Variants in SEC22A observed in about 807,000 individuals in gnomAD.
SEC22A encodes the protein vesicle-trafficking protein SEC22a.
Under a neutral mutation model 35.3 loss-of-function variants are expected in SEC22A, and 22 were observed. That is an observed-to-expected ratio of 0.62 (90% confidence interval 0.45 to 0.89). SEC22A has a LOEUF of 0.89. Ranked by LOEUF, SEC22A falls within the 40% of genes least tolerant of loss-of-function variation. SEC22A has a pLI of 0.00. For synonymous variants in SEC22A, 119 were observed against 129.5 expected, an observed-to-expected ratio of 0.92 and a Z score of 0.55; for missense variants, 354 against 362.5, an observed-to-expected ratio of 0.98 and a Z score of 0.19.
At chr3:123,215,712 A>G (rs12491439) in intron 2 of SEC22A, among the ~76,000 whole-genome samples, 41,003 of 151,922 alleles carry the variant, frequency 0.27, 6,056 homozygotes, top group African/African-American at 0.39. Flanking sequence ...GGATTCAGGC[A>G]TCGCATTATT....
chr3:123,220,890 A>ATATATATATATATATATATATATATATG (rs1214047235), intron 2 of SEC22A, among the ~76,000 whole-genome samples: 6 of 144,452 alleles, frequency 4.2e-5, no homozygotes, highest in Non-Finnish European at 9.2e-5. Context: ...ACATATATAT[A>ATATATATATATATATATATATATATATG]TATATATGTC....
intron 2 of SEC22A, among the ~76,000 whole-genome samples, chr3:123,211,198 C>T (rs1036709719): frequency 6.6e-6 from 1 of 152,016 alleles, no homozygotes; most frequent in Non-Finnish European, 1.5e-5. Context: ...AGAAAATAAA[C>T]GTGCAAATGA....
At chr3:123,233,076 G>A (rs1278201010) in intron 4 of SEC22A, among the ~76,000 whole-genome samples, 2 of 152,160 alleles carry the variant, frequency 1.3e-5, no homozygotes, top group African/African-American at 4.8e-5. Flanking sequence ...GCTGCAGTGA[G>A]TAATGATGAC....
At chr3:123,209,752 G>C (rs558679625) in intron 2 of SEC22A, among the ~76,000 whole-genome samples, 1 of 152,142 alleles carries the variant, frequency 6.6e-6, no homozygotes, top group Non-Finnish European at 1.5e-5. Context: ...AGCAACTTAC[G>C]TCTAGTGGGA....
At chr3:123,260,958 C>T (rs62262615) in intron 6 of SEC22A, among the ~76,000 whole-genome samples, 29,914 of 151,556 alleles carry the variant, frequency 0.2, 3,019 homozygotes, top group Middle Eastern at 0.27. Flanking sequence ...GCCTCAGCCT[C>T]CCGAGTAGCT....
intron 6 of SEC22A, among the ~76,000 whole-genome samples, chr3:123,265,090 C>G (rs2108106531): frequency 6.6e-6 from 1 of 152,240 alleles, no homozygotes; most frequent in Non-Finnish European, 1.5e-5. Context: ...CATATTGCAT[C>G]CATACTGAAC....
At chr3:123,267,570 AT>A (rs922046532) in intron 6 of SEC22A, among the ~76,000 whole-genome samples, 58 of 151,594 alleles carry the variant, frequency 3.8e-4, no homozygotes, top group Admixed American at 1.5e-3. Flanking sequence ...TGTTATAATG[AT>A]TTTTTTTTAA....
At chr3:123,265,467 G>GA (rs1553713349) in intron 6 of SEC22A, among the ~76,000 whole-genome samples, 9 of 141,010 alleles carry the variant, frequency 6.4e-5, no homozygotes, top group Non-Finnish European at 1.2e-4. Context: ...TTCCCAGTCA[G>GA]TTTTTTTTTT....
rs1938207107 is a variant in SEC22A, at chr3:123,273,053, A to G, written c.*1331A>G. On this transcript the variant is annotated 3_prime_UTR_variant, in exon 7 of 7. Coordinates refer to ENST00000492595, the MANE Select transcript of SEC22A (RefSeq NM_012430.5). ...TCTCATGGTTTTGGAAGTCATCTTC[A>G]TGGGTGATTTTCCTTTGTTTTTTAA... 1.3e-5 allele frequency: 2 copies of G among 153,752 alleles called. 1 individual carries two copies. The highest frequency in any genetic ancestry group is 2.9e-5 in the Non-Finnish European group (2 of 68,032). The allele number at this position is 153,752 out of a possible 1,614,324, so 9.5% of individuals were successfully genotyped here. A position where few individuals can be genotyped will look rare whatever the true frequency, so the allele number is the denominator to read the frequency against.
intron 2 of SEC22A, among the ~76,000 whole-genome samples, chr3:123,213,705 C>T (rs1936977877): frequency 2.0e-5 from 3 of 152,140 alleles, no homozygotes; most frequent in South Asian, 2.1e-4. Flanking sequence ...GATTCCTCAA[C>T]TCTTGGCATT....
intron 1 of SEC22A, 82 bp from the exon 2 acceptor site, chr3:123,209,117 C>G: frequency 9.5e-7 from 1 of 1,057,866 alleles, no homozygotes; most frequent in South Asian, 1.3e-5. Context: ...TCTTATATTA[C>G]TAGTAAGTTG....
At chr3:123,207,657 T>C (rs1936873368) in intron 1 of SEC22A, among the ~76,000 whole-genome samples, 1 of 152,206 alleles carries the variant, frequency 6.6e-6, no homozygotes, top group Non-Finnish European at 1.5e-5. Flanking sequence ...GTTCAGAATT[T>C]TGAGGGCAGA....
rs1403339674 is a variant in SEC22A, at chr3:123,259,591, T to C, written c.723+2T>C. 6.2e-7 allele frequency: 1 copy of C among 1,604,932 alleles called. No individual in the cohort carries two copies. Among genetic ancestry groups the C allele is most frequent in the Admixed American group, 1.7e-5 (1 of 59,934 alleles). ...GGAACAGCAGCCTGCCTTTACCAGG[T>C]AGGTTTTCTTCCATTTTAAAGAAAC... On this transcript the variant is annotated splice_donor_variant, in intron 6 of 6. Transcript: ENST00000492595. LOFTEE classifies it high-confidence loss of function.
intron 2 of SEC22A, among the ~76,000 whole-genome samples, chr3:123,211,553 GA>G (rs1936939626): frequency 6.6e-6 from 1 of 152,100 alleles, no homozygotes; most frequent in African/African-American, 2.4e-5. Flanking sequence ...CAACCTCTTG[GA>G]CTCAAGTGAT....
chr3:123,209,509 A>AGC, intron 2 of SEC22A, 110 bp downstream of exon 2: 1 of 818,040 alleles, frequency 1.2e-6, no homozygotes, highest in South Asian at 1.8e-5. Flanking sequence ...GTTCAAGTCG[A>AGC]GCATCATATT....
chr3:123,208,343 T>C (rs1393819232), intron 1 of SEC22A: 1 of 152,230 alleles, frequency 6.6e-6, no homozygotes, highest in Non-Finnish European at 1.5e-5. Flanking sequence ...AAATTTTGCC[T>C]GGATTTCTGA....
intron 5 of SEC22A, among the ~76,000 whole-genome samples, chr3:123,247,460 T>G (rs1937576361): frequency 6.6e-6 from 1 of 152,248 alleles, no homozygotes; most frequent in Non-Finnish European, 1.5e-5. Flanking sequence ...AAGGGAACAG[T>G]ACTTTATTTC....
intron 5 of SEC22A, among the ~76,000 whole-genome samples, chr3:123,252,837 T>A (rs1431168203): frequency 6.6e-6 from 1 of 152,202 alleles, no homozygotes; most frequent in East Asian, 1.9e-4. Flanking sequence ...AAGTTTAAAC[T>A]GGGGAGGCTT....
At chr3:123,234,177 T>G (rs1937375919) in intron 4 of SEC22A, among the ~76,000 whole-genome samples, 1 of 152,220 alleles carries the variant, frequency 6.6e-6, no homozygotes, top group Non-Finnish European at 1.5e-5. Flanking sequence ...TGAAAGACAG[T>G]ATTATTTACA....
Sources: allele counts gnomAD v4.1 joint callset (sites outside exome capture counted in the v4.1 genomes callset), GRCh38; gene constraint gnomAD v4.1.1; transcripts MANE v1.5; gene names NCBI Gene and HGNC (gene_info 2026-07-23, HGNC 2026-07-21).